Variants in FAM200B observed in about 807,000 individuals in gnomAD.
FAM200B encodes the protein zinc finger BED-type containing 11, also known as protein FAM200B.
Under a neutral mutation model 33.1 loss-of-function variants are expected in FAM200B, and 32 were observed. That is an observed-to-expected ratio of 0.97 (90% confidence interval 0.73 to 1.30). The LOEUF is 1.30. FAM200B is among the 50% of genes most tolerant of loss of function. The probability of loss-of-function intolerance (pLI) is 0.00; values close to 1 mark genes in which losing one functional copy is unlikely to be tolerated. For missense variants in FAM200B, 741 were observed against 754.0 expected, an observed-to-expected ratio of 0.98 and a Z score of 0.20; for synonymous variants, 240 against 264.8, an observed-to-expected ratio of 0.91 and a Z score of 0.91.
upstream of FAM200B, among the ~76,000 whole-genome samples, chr4:15,676,784 C>T (rs1482691743): frequency 6.6e-6 from 1 of 152,082 alleles, no homozygotes; most frequent in Non-Finnish European, 1.5e-5. Context: ...TATATTTGAA[C>T]ACTTTCAGAA....
At chr4:15,676,605 A>ATAAAAATGT in the FAM200B span, among the ~76,000 whole-genome samples, 83 of 152,322 alleles carry the variant, frequency 5.4e-4, no homozygotes, top group African/African-American at 2.0e-3. Context: ...TAGATATTAG[A>ATAAAAATGT]TAAAAATGTT....
the FAM200B span, among the ~76,000 whole-genome samples, chr4:15,651,476 T>A: frequency 6.6e-6 from 1 of 152,204 alleles, no homozygotes; most frequent in African/African-American, 2.4e-5. Context: ...TAAGAACTCA[T>A]TAAATTCCCT....
At chr4:15,657,281 T>C in the FAM200B span, among the ~76,000 whole-genome samples, 17 of 152,232 alleles carry the variant, frequency 1.1e-4, no homozygotes, top group South Asian at 2.1e-4. Flanking sequence ...ACATGCACTT[T>C]GTTTTATCCT....
chr4:15,655,865 C>G, the FAM200B span, among the ~76,000 whole-genome samples: 6 of 152,226 alleles, frequency 3.9e-5, no homozygotes, highest in Admixed American at 1.3e-4. Flanking sequence ...ACCACCCCGG[C>G]CGCCACTCAA....
At chr4:15,646,754 T>C in the FAM200B span, among the ~76,000 whole-genome samples, 2 of 142,774 alleles carry the variant, frequency 1.4e-5, no homozygotes, top group African/African-American at 5.1e-5. Context: ...GTCCATGTTG[T>C]TCTCATTGTT....
In FAM200B at chr4:15,688,006, G is replaced by A. The variant is rs572986501; in HGVS notation, c.1029G>A (p.Met343Ile). 1,125 of 1,551,012 alleles carry A rather than the reference G, an allele frequency of 7.3e-4. 15 individuals carry two copies. In the South Asian group the frequency reaches 0.013, roughly 17 times the overall value. Residue 343 changes from methionine to isoleucine, a missense_variant, in exon 2 of 2, where the codon ATG becomes ATA. Met to Ile is a conservative substitution (Grantham distance 10). Coordinates refer to ENST00000422728, the MANE Select transcript of FAM200B (RefSeq NM_001145191.2). ...CCAGAGAAATTCCACAGAATCTCATGGAGGTATTGAAAAATGCAGTGAAAG... is the reference window on the plus strand; with the variant it reads ...CCAGAGAAATTCCACAGAATCTCATAGAGGTATTGAAAAATGCAGTGAAAG... ...LASREIPQNL[M>I]EVLKNAVKVV...
the FAM200B span, among the ~76,000 whole-genome samples, chr4:15,662,120 GAAC>G: frequency 2.0e-5 from 3 of 150,632 alleles, no homozygotes; most frequent in Non-Finnish European, 4.5e-5. Context: ...TGGTCATACA[GAAC>G]AACCCCAGTA....
At chr4:15,658,916 C>G in the FAM200B span, among the ~76,000 whole-genome samples, 1 of 152,154 alleles carries the variant, frequency 6.6e-6, no homozygotes, top group Non-Finnish European at 1.5e-5. Context: ...AAACTGGACA[C>G]CCAATATGCA....
At chr4:15,640,268 G>T in the FAM200B span, among the ~76,000 whole-genome samples, 3 of 151,166 alleles carry the variant, frequency 2.0e-5, no homozygotes, top group Non-Finnish European at 4.4e-5. Context: ...TCTTGAACTC[G>T]TGAGTTCAAG....
At chr4:15,663,402 G>T in the FAM200B span, among the ~76,000 whole-genome samples, 2 of 152,182 alleles carry the variant, frequency 1.3e-5, no homozygotes, top group Non-Finnish European at 2.9e-5. Flanking sequence ...GGGGCCAGAG[G>T]TTTCAAAATG....
At chr4:15,655,312 A>T in the FAM200B span, 1 of 1,371,612 alleles carries the variant, frequency 7.3e-7, no homozygotes, top group Non-Finnish European at 9.7e-7. Context: ...CCTCCGCCTC[A>T]GCAGCCGCGG....
chr4:15,647,456 T>C, the FAM200B span, among the ~76,000 whole-genome samples: 69,848 of 151,736 alleles, frequency 0.46, 16,436 homozygotes, highest in Non-Finnish European at 0.5. Context: ...ATGGGTGTCC[T>C]GAAAACAATC....
In FAM200B at chr4:15,687,033, C is replaced by G. The variant is rs1412940669; in HGVS notation, c.56C>G (p.Ala19Gly). ...KRNSEVKYTE[A>G]CSSSSVESGI... ...AATAGTGAAGTGAAATATACAGAAG[C>G]ATGTTCAAGTTCATCTGTTGAATCT... Residue 19 changes from alanine (A) to glycine (G), a missense_variant, in exon 2 of 2, where the codon GCA becomes GGA. Physicochemically the swap from Ala to Gly is moderately conservative, Grantham distance 60. Transcript: ENST00000422728. 8.6e-6 allele frequency: 13 copies of G among 1,511,186 alleles called. No individual in the cohort carries two copies. Among genetic ancestry groups the G allele is most frequent in the African/African-American group, 7.0e-5 (5 of 71,814 alleles). 93.6% of individuals were successfully genotyped at this position (1,511,186 alleles called of 1,614,324 possible).
chr4:15,670,495 C>T, the FAM200B span, among the ~76,000 whole-genome samples: 2 of 152,096 alleles, frequency 1.3e-5, no homozygotes, highest in Non-Finnish European at 2.9e-5. Context: ...GGGTTTTTTA[C>T]ATTTAAAGTG....
chr4:15,646,743 C>T, the FAM200B span, among the ~76,000 whole-genome samples: 8 of 146,500 alleles, frequency 5.5e-5, no homozygotes, highest in South Asian at 6.8e-4. Context: ...CCCCTTCCCA[C>T]GTCCATGTTG....
chr4:15,685,333 A>G (rs1269340443), intron 1 of FAM200B, among the ~76,000 whole-genome samples: 1 of 152,204 alleles, frequency 6.6e-6, no homozygotes. Context: ...GAGGAAGTAC[A>G]AGGAAACTGC....
At chr4:15,655,520 C>CA in the FAM200B span, 2 of 335,854 alleles carry the variant, frequency 6.0e-6, no homozygotes, top group Non-Finnish European at 8.5e-6. Flanking sequence ...CTCCCGCCCC[C>CA]ACTCTTTTCG....
At chr4:15,664,548 TC>T in the FAM200B span, among the ~76,000 whole-genome samples, 2 of 127,582 alleles carry the variant, frequency 1.6e-5, no homozygotes, top group South Asian at 2.6e-4. Context: ...TGGGCCCTCA[TC>T]CTTTTTTTTT....
At position 15,686,906 on chromosome 4, in the gene FAM200B, TA is replaced by T. The variant is rs1178169493; in HGVS notation, c.-71del. On this transcript the variant is annotated 5_prime_UTR_variant, in exon 2 of 2. The change creates a premature stop within an existing upstream ORF in the 5' untranslated region. Transcript: ENST00000422728. ...TTGAAAAGATGTTATTTAGACTGTA[TA>T]TTTTTTTCTTCTTTTTTGAGTTAGT... 1.3e-5 allele frequency: 10 copies of T among 760,026 alleles called. No individual in the cohort carries two copies. The highest frequency in any genetic ancestry group is 1.1e-4 in the African/African-American group (6 of 55,752). The allele number at this position is 760,026 out of a possible 1,614,324, so 47.1% of individuals were successfully genotyped here.
Sources: allele counts gnomAD v4.1 joint callset (sites outside exome capture counted in the v4.1 genomes callset), GRCh38; gene constraint gnomAD v4.1.1; transcripts MANE v1.5; gene names NCBI Gene and HGNC (gene_info 2026-07-23, HGNC 2026-07-21).